Variants in PCDHGA3 observed in about 807,000 individuals in gnomAD.
The protein encoded by PCDHGA3 is protocadherin gamma subfamily A, 3, also known as protocadherin gamma-A3.
A neutral mutation model predicts 58.5 loss-of-function variants in PCDHGA3; 40 were observed. That is an observed-to-expected ratio of 0.68 (90% CI 0.53 to 0.89). PCDHGA3 has a LOEUF of 0.89. PCDHGA3 is among the 40% of genes least tolerant of loss of function. The pLI, the probability that PCDHGA3 is intolerant of heterozygous loss-of-function variation, is 0.00. For synonymous variants in PCDHGA3, 530 were observed against 525.7 expected (o/e 1.01, Z -0.11); for missense variants, 1,223 against 1,195.9 (o/e 1.02, Z -0.33).
Position 141,431,003 on chromosome 5 carries a change from G to C in PCDHGA3, c.2425-63804G>C. The C allele has an allele frequency of 6.2e-7, 1 of 1,614,078 alleles. No individual in the cohort carries two copies. The highest frequency in any genetic ancestry group is 8.5e-7 in the Non-Finnish European group (1 of 1,179,974). On this transcript the variant is annotated intron_variant, in intron 1 of 3. Transcript: ENST00000253812. The surrounding 1 kb of genome is among the most constrained non-coding windows in gnomAD (Gnocchi z 4.8). ...GCTTTTCGCCCTGAATCCGCGCAGC[G>C]GCAGCTTGGTCACGGCGGGCAGGAT... is the stretch of plus-strand genomic sequence containing the variant.
At position 141,487,728 on chromosome 5, in the gene PCDHGA3, C is replaced by T. The variant is rs986276637; in HGVS notation, c.2425-7079C>T. 2 of 1,570,444 alleles carry T rather than the reference C, an allele frequency of 1.3e-6. No homozygotes were observed. Among genetic ancestry groups the T allele is most frequent in the East Asian group, 2.3e-5 (1 of 42,866 alleles). ...TCAGTAAGTGCCCATAGTGATGTCA[C>T]CATTTTTGTAAGAGGTAACTATGTG... On this transcript the variant is annotated intron_variant, in intron 1 of 3. Coordinates refer to ENST00000253812, the MANE Select transcript of PCDHGA3 (RefSeq NM_018916.4). The surrounding 1 kb of genome is among the most constrained non-coding windows in gnomAD (Gnocchi z 5.0).
Position 141,485,870 on chromosome 5 carries a change from C to T in PCDHGA3, c.2425-8937C>T. The stretch of plus-strand genomic sequence containing the variant: ...CACCGCAGAGCTCCGGGTATCCGTG[C>T]TGGACGTAAACGACAACGCCCCAGC... On this transcript the variant is annotated intron_variant, in intron 1 of 3. Coordinates refer to ENST00000253812, the MANE Select transcript of PCDHGA3 (RefSeq NM_018916.4). This position sits in a 1 kb window ranked among gnomAD's most constrained non-coding sequence, Gnocchi z 5.7. 6.2e-7 allele frequency: 1 copy of T among 1,614,174 alleles called. No homozygotes were observed. The highest frequency in any genetic ancestry group is 8.5e-7 in the Non-Finnish European group (1 of 1,180,032).
intron 1 of PCDHGA3, chr5:141,366,493 G>A: frequency 4.3e-6 from 7 of 1,614,256 alleles, no homozygotes; most frequent in Non-Finnish European, 5.9e-6. Context: ...GCTGGCACAA[G>A]TCACGCCTGC....
intron 1 of PCDHGA3, chr5:141,484,889 T>C (rs2099602721): frequency 2.8e-6 from 1 of 363,070 alleles, no homozygotes. Flanking sequence ...GTGGGCTTTT[T>C]CCCCTCCAAT....
At chr5:141,399,409 CT>C in intron 1 of PCDHGA3, 2 of 1,614,052 alleles carry the variant, frequency 1.2e-6, no homozygotes, top group South Asian at 2.2e-5. Flanking sequence ...CAAGCCGCCC[CT>C]CTCCTCCAGC....
At chr5:141,368,154 C>CTGTAT (rs1765511938) in intron 1 of PCDHGA3, among the ~76,000 whole-genome samples, 3 of 152,024 alleles carry the variant, frequency 2.0e-5, no homozygotes, top group Admixed American at 6.6e-5. Flanking sequence ...CTTTTAAAAC[C>CTGTAT]TTGAGCATCA....
intron 1 of PCDHGA3, chr5:141,371,744 C>G (rs759273098): frequency 1.4e-5 from 23 of 1,613,922 alleles, no homozygotes; most frequent in East Asian, 8.9e-5. Flanking sequence ...ACAACGTTCC[C>G]GTTTTCCACC....
chr5:141,432,335 C>T lies in PCDHGA3; in HGVS notation c.2425-62472C>T, dbSNP rs146691720. On this transcript the variant is annotated intron_variant, in intron 1 of 3. Coordinates refer to ENST00000253812, the MANE Select transcript of PCDHGA3 (RefSeq NM_018916.4). This position sits in a 1 kb window ranked among gnomAD's most constrained non-coding sequence, Gnocchi z 6.0. ...GAGCTCCTTCGACTACGAGCAGTTC[C>T]GAGACTTGCAAGTGAAAGTGATGGC... 2.6e-5 allele frequency: 42 copies of T among 1,614,126 alleles called. No individual in the cohort carries two copies. Among genetic ancestry groups the T allele is most frequent in the African/African-American group, 1.2e-4 (9 of 74,940 alleles).
intron 1 of PCDHGA3, among the ~76,000 whole-genome samples, chr5:141,347,416 A>T (rs1353584757): frequency 1.3e-5 from 2 of 152,004 alleles, no homozygotes; most frequent in Non-Finnish European, 2.9e-5. Context: ...CAGCCTCCCA[A>T]AGTACTGCGA....
chr5:141,499,731 C>T (rs2099794093), intron 2 of PCDHGA3, among the ~76,000 whole-genome samples: 1 of 138,132 alleles, frequency 7.2e-6, no homozygotes, highest in African/African-American at 2.7e-5. Context: ...GTCTCACTCT[C>T]TTGCCCAGGC....
At position 141,366,468 on chromosome 5, in the gene PCDHGA3, T is replaced by G. The variant is rs745680725; in HGVS notation, c.2424+20011T>G. 5.0e-6 allele frequency: 8 copies of G among 1,614,130 alleles called. No homozygotes were observed. The Admixed American group carries it at 5.0e-5, about 10-fold the overall frequency. On this transcript the variant is annotated intron_variant, in intron 1 of 3. Coordinates refer to ENST00000253812, the MANE Select transcript of PCDHGA3 (RefSeq NM_018916.4). ...CTGGCCTTCGTCATCGTGCTGCTGG[T>G]GCTCAGACTGAGGCGCTGGCACAAG...
At chr5:141,364,990 G>T in intron 1 of PCDHGA3, 1 of 1,613,862 alleles carries the variant, frequency 6.2e-7, no homozygotes, top group South Asian at 1.1e-5. Flanking sequence ...GCGGAGACCC[G>T]GTACTCTCCG....
In PCDHGA3 at chr5:141,471,102, G is replaced by A. The variant is rs922174682; in HGVS notation, c.2425-23705G>A. 3.4e-5 allele frequency among the ~76,000 whole-genome samples: 5 copies of A among 146,522 alleles called. No individual in the cohort carries two copies. The Admixed American group carries it at 3.5e-4, about 10-fold the overall frequency. On this transcript the variant is annotated intron_variant, in intron 1 of 3. Coordinates refer to ENST00000253812, the MANE Select transcript of PCDHGA3 (RefSeq NM_018916.4). ...CTCCCTCTGTTGTCCAGGCTAGAGTGCAGTGGTGCGATCTTACCTTCACTG... is the reference window on the plus strand; with the variant it reads ...CTCCCTCTGTTGTCCAGGCTAGAGTACAGTGGTGCGATCTTACCTTCACTG...
At chr5:141,370,947 AAC>A in intron 1 of PCDHGA3, 5 of 1,613,958 alleles carry the variant, frequency 3.1e-6, no homozygotes, top group Non-Finnish European at 4.2e-6. Context: ...TCAGAAGGAG[AAC>A]CTGGATGGCA....
intron 1 of PCDHGA3, among the ~76,000 whole-genome samples, chr5:141,480,689 C>A (rs1266042791): frequency 6.6e-6 from 1 of 152,126 alleles, no homozygotes; most frequent in Non-Finnish European, 1.5e-5. Flanking sequence ...AATTCTGAAA[C>A]CCAGGCCACA....
At chr5:141,389,119 A>G (rs1561623119) in intron 1 of PCDHGA3, 16 of 1,614,066 alleles carry the variant, frequency 9.9e-6, no homozygotes, top group Admixed American at 1.7e-5. Context: ...GACCGCGAGC[A>G]GAATCCAGAG....
chr5:141,459,862 C>T (rs931723906), intron 1 of PCDHGA3, among the ~76,000 whole-genome samples: 3 of 152,158 alleles, frequency 2.0e-5, no homozygotes, highest in East Asian at 1.9e-4. Context: ...TTGAAGCATT[C>T]GTTCATCTTT....
intron 1 of PCDHGA3, among the ~76,000 whole-genome samples, chr5:141,402,017 A>G (rs1052839882): frequency 2.0e-5 from 3 of 152,210 alleles, no homozygotes; most frequent in African/African-American, 7.2e-5. Flanking sequence ...ATGCATTTGA[A>G]TCATTGAAAC....
chr5:141,508,725 G>C (rs1447443196), intron 3 of PCDHGA3, among the ~76,000 whole-genome samples: 1 of 151,788 alleles, frequency 6.6e-6, no homozygotes, highest in Non-Finnish European at 1.5e-5. Flanking sequence ...TGTGCAGGGA[G>C]ACTACACCCC....
Sources: allele counts gnomAD v4.1 joint callset (sites outside exome capture counted in the v4.1 genomes callset), GRCh38; gene constraint gnomAD v4.1.1; non-coding constraint Gnocchi (gnomAD v3.1); transcripts MANE v1.5; gene names NCBI Gene and HGNC (gene_info 2026-07-23, HGNC 2026-07-21).